Variants in NTM observed in about 807,000 individuals in gnomAD.
The protein encoded by NTM is IgLON family member 2.
In NTM, 13 loss-of-function variants were observed where a neutral mutation model predicts 42.1. That is an observed-to-expected ratio of 0.31 (90% CI 0.20 to 0.49). NTM has a LOEUF of 0.49. Ranked by LOEUF, NTM falls within the 20% of genes least tolerant of loss-of-function variation. The pLI, the probability that NTM is intolerant of heterozygous loss-of-function variation, is 0.99. For missense variants in NTM, 373 were observed against 452.8 expected (o/e 0.82, Z 1.60); for synonymous variants, 187 against 179.2 (o/e 1.04, Z -0.35).
intron 2 of NTM, among the ~76,000 whole-genome samples, chr11:132,106,503 G>A (rs908253447): frequency 5.9e-5 from 9 of 152,194 alleles, no homozygotes; most frequent in Admixed American, 2.0e-4. Context: ...GAGAAGCCAC[G>A]TGACCACGCC....
At chr11:131,778,645 G>GT (rs2087493779) in intron 1 of NTM, among the ~76,000 whole-genome samples, 1 of 152,166 alleles carries the variant, frequency 6.6e-6, no homozygotes, top group African/African-American at 2.4e-5. Flanking sequence ...CTAGCATATA[G>GT]TGATGGTAAA....
intron 1 of NTM, among the ~76,000 whole-genome samples, chr11:131,718,027 T>C (rs2077906080): frequency 6.6e-6 from 1 of 152,240 alleles, no homozygotes; most frequent in African/African-American, 2.4e-5. Flanking sequence ...TTATTTTTAA[T>C]GTTAAACTAG....
intron 2 of NTM, among the ~76,000 whole-genome samples, chr11:132,142,257 A>C (rs1469915652): frequency 6.6e-6 from 1 of 152,188 alleles, no homozygotes; most frequent in Non-Finnish European, 1.5e-5. Flanking sequence ...GGCCATCTCC[A>C]GTTCAGCTCA....
intron 3 of NTM, among the ~76,000 whole-genome samples, chr11:132,201,586 C>T (rs555057312): frequency 6.6e-6 from 1 of 152,178 alleles, no homozygotes; most frequent in African/African-American, 2.4e-5. Context: ...CTTGCCAGCC[C>T]CTGGCTCTGA....
At chr11:131,428,835 G>C (rs1347025949) in intron 1 of NTM, among the ~76,000 whole-genome samples, 3 of 125,446 alleles carry the variant, frequency 2.4e-5, no homozygotes, top group Non-Finnish European at 4.7e-5. Flanking sequence ...AGAAGTTCAA[G>C]ACCAGCAAGG....
intron 2 of NTM, among the ~76,000 whole-genome samples, chr11:132,124,206 G>C (rs538396968): frequency 1.3e-4 from 20 of 151,704 alleles, no homozygotes; most frequent in Admixed American, 5.2e-4. Flanking sequence ...TCCCATCCCC[G>C]GATCTTCGAT....
intron 2 of NTM, among the ~76,000 whole-genome samples, chr11:132,025,959 G>C (rs1447836477): frequency 6.6e-6 from 1 of 152,078 alleles, no homozygotes; most frequent in African/African-American, 2.4e-5. Context: ...ATGGAATCCT[G>C]ATTCTGTCAC....
chr11:131,517,034 A>T (rs1476707757), intron 1 of NTM, among the ~76,000 whole-genome samples: 2 of 152,226 alleles, frequency 1.3e-5, no homozygotes, highest in African/African-American at 4.8e-5. Context: ...GGCTCTAGGC[A>T]TGCTTCAAGG....
intron 1 of NTM, among the ~76,000 whole-genome samples, chr11:131,849,761 G>A (rs983937937): frequency 1.1e-4 from 16 of 149,710 alleles, no homozygotes; most frequent in Admixed American, 2.7e-4. Context: ...TCTGGTTGCC[G>A]GTTAAGACCT....
At chr11:131,954,558 C>T (rs556871713) in intron 2 of NTM, among the ~76,000 whole-genome samples, 1 of 152,198 alleles carries the variant, frequency 6.6e-6, no homozygotes, top group Non-Finnish European at 1.5e-5. Context: ...TCCCAGGGAA[C>T]CTGCGTGTCT....
chr11:131,934,226 T>C (rs1460008198), intron 2 of NTM, among the ~76,000 whole-genome samples: 2 of 152,198 alleles, frequency 1.3e-5, no homozygotes, highest in Admixed American at 6.5e-5. Flanking sequence ...ATGAGAAGGC[T>C]CTTTATTGTA....
rs555805412 is a variant in NTM, at chr11:131,704,073, C to A, written c.83-207491C>A. Among the ~76,000 whole-genome samples the A allele has an allele frequency of 4.3e-4, 42 of 97,678 alleles. No homozygotes were observed. In the South Asian group the frequency reaches 0.013, roughly 30 times the overall value. 64.1% of individuals were successfully genotyped at this position (97,678 alleles called of 152,430 possible). A position where few individuals can be genotyped will look rare whatever the true frequency, so the allele number is the denominator to read the frequency against. On this transcript the variant is annotated intron_variant, in intron 1 of 8. Coordinates refer to ENST00000683400, the MANE Select transcript of NTM (RefSeq NM_001352005.2). ...CAGGCTCTAGGCCAGCCCTTACAAC[C>A]CCCCTGGTTCCAAGCTGGTCTATAT...
chr11:131,893,985 A>C (rs1743333705), intron 1 of NTM, among the ~76,000 whole-genome samples: 1 of 152,204 alleles, frequency 6.6e-6, no homozygotes. Context: ...ATAGCTGCAA[A>C]AGAGAGAGAA....
chr11:132,161,937 A>G (rs2074376633), intron 3 of NTM, among the ~76,000 whole-genome samples: 1 of 152,192 alleles, frequency 6.6e-6, no homozygotes, highest in Non-Finnish European at 1.5e-5. Flanking sequence ...ATTGAGCTGC[A>G]GTTTCACTCG....
intron 1 of NTM, among the ~76,000 whole-genome samples, chr11:131,858,725 C>T (rs542643342): frequency 3.3e-5 from 5 of 152,192 alleles, no homozygotes; most frequent in Admixed American, 6.5e-5. Flanking sequence ...GAATTGCTCT[C>T]GTCTGAATCC....
At chr11:131,613,774 G>C (rs1363052559) in intron 1 of NTM, among the ~76,000 whole-genome samples, 5 of 152,000 alleles carry the variant, frequency 3.3e-5, no homozygotes, top group African/African-American at 1.2e-4. Flanking sequence ...CTAGCCCAAA[G>C]CCACACAGCC....
At chr11:131,688,755 G>T (rs966870417) in intron 1 of NTM, among the ~76,000 whole-genome samples, 5 of 152,216 alleles carry the variant, frequency 3.3e-5, no homozygotes, top group Admixed American at 3.3e-4. Flanking sequence ...TGCTCCTAGA[G>T]ATCAGACACC....
intron 2 of NTM, among the ~76,000 whole-genome samples, chr11:131,969,034 T>TA (rs1565847959): frequency 2.0e-5 from 3 of 152,352 alleles, no homozygotes; most frequent in Non-Finnish European, 4.4e-5. Context: ...GCAGGGCTTT[T>TA]AAAAATCAAT....
chr11:131,389,996 C>T (rs765850999), intron 1 of NTM, among the ~76,000 whole-genome samples: 4 of 152,150 alleles, frequency 2.6e-5, no homozygotes, highest in African/African-American at 4.8e-5. Flanking sequence ...GTTGATCTCT[C>T]TGGGTGCTTG....
Sources: allele counts gnomAD v4.1 joint callset (sites outside exome capture counted in the v4.1 genomes callset), GRCh38; gene constraint gnomAD v4.1.1; transcripts MANE v1.5; gene names NCBI Gene and HGNC (gene_info 2026-07-23, HGNC 2026-07-21).